RBFOX2: variants seen among roughly 807,000 people sequenced by gnomAD.
RBFOX2 encodes the protein RNA binding protein fox-1 homolog 2.
Under a neutral mutation model 49.1 loss-of-function variants are expected in RBFOX2, and 10 were observed. That is an observed-to-expected ratio of 0.20 (90% CI 0.13 to 0.35). The LOEUF is 0.35. Among genes scored for constraint, RBFOX2 ranks in the 10% least tolerant of loss-of-function variants. RBFOX2 has a pLI of 1.00. For synonymous variants in RBFOX2, 183 were observed against 187.4 expected (o/e 0.98, Z 0.19); for missense variants, 323 against 486.9 (o/e 0.66, Z 3.17).
intron 1 of RBFOX2, among the ~76,000 whole-genome samples, chr22:35,936,863 C>T (rs1779102480): frequency 6.6e-6 from 1 of 152,220 alleles, no homozygotes; most frequent in Non-Finnish European, 1.5e-5. Flanking sequence ...ATACAGTACC[C>T]TTTCAGTCTT....
At chr22:35,794,609 G>A (rs989000937) in intron 2 of RBFOX2, among the ~76,000 whole-genome samples, 1 of 150,824 alleles carries the variant, frequency 6.6e-6, no homozygotes, top group Non-Finnish European at 1.5e-5. Flanking sequence ...AGTGAGCCGA[G>A]ATCACGCCAC....
intron 1 of RBFOX2, chr22:35,992,923 T>C (rs370805747): frequency 3.9e-5 from 6 of 152,168 alleles, no homozygotes; most frequent in African/African-American, 1.2e-4. Flanking sequence ...GAAAACAGGA[T>C]ACCTTGCTTT....
intron 1 of RBFOX2, among the ~76,000 whole-genome samples, chr22:36,014,840 A>C (rs1163498076): frequency 6.6e-6 from 1 of 152,224 alleles, no homozygotes; most frequent in Non-Finnish European, 1.5e-5. Flanking sequence ...GTCCCTGATA[A>C]GCGCCTCTCT....
At chr22:35,866,629 G>A (rs1258978960) in intron 1 of RBFOX2, among the ~76,000 whole-genome samples, 1 of 152,110 alleles carries the variant, frequency 6.6e-6, no homozygotes, top group Non-Finnish European at 1.5e-5. Context: ...ACAGGGTGGT[G>A]AGTTCCTTGG....
At chr22:35,806,417 A>T (rs911917931) in intron 2 of RBFOX2, among the ~76,000 whole-genome samples, 3 of 152,206 alleles carry the variant, frequency 2.0e-5, no homozygotes, top group Non-Finnish European at 4.4e-5. Flanking sequence ...CGCGTGGGGA[A>T]TGAAGCTATA....
chr22:35,761,437 T>A (rs770809544), exon 7 of RBFOX2: 1 of 1,614,182 alleles, frequency 6.2e-7, no homozygotes, highest in South Asian at 1.1e-5. Flanking sequence ...CCGGACCATA[T>A]ACAGCTCCAA....
At chr22:35,963,784 C>T (rs2056400012), upstream of RBFOX2, among the ~76,000 whole-genome samples, 1 of 152,148 alleles carries the variant, frequency 6.6e-6, no homozygotes. Context: ...CTCACTCTGT[C>T]GCCCAGGCTG....
chr22:35,941,197 A>C (rs529847251), upstream of RBFOX2, among the ~76,000 whole-genome samples: 97 of 152,262 alleles, frequency 6.4e-4, no homozygotes, highest in African/African-American at 2.2e-3. Context: ...TTAACAAAAG[A>C]ACAAGGCTCT....
At chr22:35,762,804 C>A (rs1939431115) in intron 6 of RBFOX2, among the ~76,000 whole-genome samples, 1 of 151,894 alleles carries the variant, frequency 6.6e-6, no homozygotes. Flanking sequence ...CTGCGTCCAG[C>A]CACAATTGGC....
At chr22:35,943,545 C>T (rs913955032), upstream of RBFOX2, among the ~76,000 whole-genome samples, 5 of 152,128 alleles carry the variant, frequency 3.3e-5, no homozygotes, top group African/African-American at 4.8e-5. Flanking sequence ...CGTTTAGAAG[C>T]TTCTGGTTAG....
upstream of RBFOX2, chr22:35,961,834 AAC>A (rs971363547): frequency 1.6e-6 from 1 of 635,676 alleles, no homozygotes; most frequent in Non-Finnish European, 2.0e-6. Context: ...TGACTAAGAA[AAC>A]ACAGAGAAAT....
intron 10 of RBFOX2, 71 bp downstream of exon 12, chr22:35,746,402 G>A: frequency 7.5e-7 from 1 of 1,332,622 alleles, no homozygotes; most frequent in Non-Finnish European, 1.0e-6. Context: ...GTGAAGGGAG[G>A]AAAATGGGTG....
At chr22:36,006,557 AATC>A (rs1195580074) in intron 1 of RBFOX2, among the ~76,000 whole-genome samples, 1 of 152,154 alleles carries the variant, frequency 6.6e-6, no homozygotes, top group Non-Finnish European at 1.5e-5. Flanking sequence ...AGGAGAATCT[AATC>A]ACCAGTGCCC....
At chr22:35,742,328 G>C (rs1930372444) in exon 12 of RBFOX2, 1 of 152,496 alleles carries the variant, frequency 6.6e-6, no homozygotes, top group Non-Finnish European at 1.5e-5. Flanking sequence ...ACAGGATTCT[G>C]AAGGGGGAAA....
chr22:35,872,487 C>T (rs924259141), intron 1 of RBFOX2, among the ~76,000 whole-genome samples: 2 of 152,150 alleles, frequency 1.3e-5, no homozygotes, highest in Admixed American at 6.5e-5. Context: ...TTGGATCATA[C>T]GTGGACTTGG....
chr22:35,966,268 CCA>C (rs1315244720), upstream of RBFOX2, among the ~76,000 whole-genome samples: 1 of 152,098 alleles, frequency 6.6e-6, no homozygotes, highest in Non-Finnish European at 1.5e-5. Context: ...GGCCTCTGTG[CCA>C]TTTCCAGCTT....
At chr22:35,935,598 T>C (rs543787429) in intron 1 of RBFOX2, among the ~76,000 whole-genome samples, 12 of 152,308 alleles carry the variant, frequency 7.9e-5, no homozygotes, top group African/African-American at 2.9e-4. Flanking sequence ...GTAGTAATAA[T>C]CTTTAATCAG....
At chr22:35,781,031 A>C (rs958929117) in intron 3 of RBFOX2, among the ~76,000 whole-genome samples, 1 of 152,224 alleles carries the variant, frequency 6.6e-6, no homozygotes, top group South Asian at 2.1e-4. Context: ...AAAACAAAGA[A>C]GGCGACAGGA....
upstream of RBFOX2, chr22:35,840,615 CGTGTGTGCGTGTGTGCGTGTGTGTGTGT>C: frequency 9.2e-7 from 1 of 1,081,558 alleles, no homozygotes; most frequent in African/African-American, 1.9e-5. Context: ...TGTGCGCACG[CGTGTGTGCGTGTGTGCGTGTGTGTGTGT>C]GTGTGTGTGT....
Sources: gnomAD v4.1 joint callset for allele counts (sites outside exome capture counted in the v4.1 genomes callset) on GRCh38, gnomAD v4.1.1 for gene constraint, MANE v1.5 for transcripts, NCBI Gene and HGNC (gene_info 2026-07-23, HGNC 2026-07-21) for gene names.